RNASET2: variants seen among roughly 807,000 people sequenced by gnomAD.
RNASET2 encodes ribonuclease 6.
A neutral mutation model predicts 33.9 loss-of-function variants in RNASET2; 28 were observed. The ratio of observed to expected loss-of-function variants is 0.83; its 90% CI spans 0.61 to 1.13. RNASET2 has a LOEUF of 1.13. Among genes scored for constraint, RNASET2 ranks in the 50% most tolerant of loss-of-function variants. The pLI is 0.00. For missense variants in RNASET2, 330 were observed against 319.9 expected, an observed-to-expected ratio of 1.03 and a Z score of -0.24; for synonymous variants, 123 against 121.0, an observed-to-expected ratio of 1.02 and a Z score of -0.11.
chr6:166,929,664 G>T lies in RNASET2; in HGVS notation c.695C>A (p.Ala232Asp). Residue 232 changes from alanine (A) to aspartate (D), a missense_variant, in exon 9 of 9, where the codon GCC becomes GAC. By Grantham distance (126) the Ala-to-Asp change is moderately radical. Transcript: ENST00000508775. Reference sequence around the variant, plus strand: ...GACTCTCAGACCCCGGCTCTCGGCGGCCCCATTTGCCAGCCAGACTTCCTG... The same window carrying T: ...GACTCTCAGACCCCGGCTCTCGGCGTCCCCATTTGCCAGCCAGACTTCCTG... Reference protein sequence around the residue: ...PKQEVWLANGAAESRGLRVCE... With the variant: ...PKQEVWLANGDAESRGLRVCE... 1 of 1,614,102 alleles carries T rather than the reference G, an allele frequency of 6.2e-7. No individual in the cohort carries two copies. Among genetic ancestry groups the T allele is most frequent in the South Asian group, 1.1e-5 (1 of 91,068 alleles).
At position 166,928,654 on chromosome 6, in the gene RNASET2, A is replaced by C. The variant is rs1778344530; in HGVS notation, c.*934T>G. ...GGAGACGCGGGAGAAGACAATGCTA[A>C]CAGGTTGTCTTAACAACACATGGAA... On this transcript the variant is annotated 3_prime_UTR_variant, in exon 9 of 9. Coordinates refer to ENST00000508775, the MANE Select transcript of RNASET2 (RefSeq NM_003730.6). Among the ~76,000 whole-genome samples, 1 of 152,224 alleles carries C rather than the reference A, an allele frequency of 6.6e-6. No individual in the cohort carries two copies. The highest frequency in any genetic ancestry group is 2.4e-5 in the African/African-American group (1 of 41,454).
chr6:166,949,638 T>A (rs761603427), intron 2 of RNASET2, among the ~76,000 whole-genome samples: 2 of 152,136 alleles, frequency 1.3e-5, no homozygotes, highest in Non-Finnish European at 2.9e-5. Context: ...TGCTCAGTGC[T>A]GGAGAAAGAG....
intron 2 of RNASET2, among the ~76,000 whole-genome samples, chr6:166,950,712 A>C (rs56213919): frequency 0.17 from 26,572 of 152,116 alleles, 2,929 homozygotes; most frequent in African/African-American, 0.32. Context: ...ACACTGACGC[A>C]CTGAAGGGAT....
Position 166,955,347 on chromosome 6 carries a change from G to C in RNASET2, c.86+750C>G, listed in dbSNP as rs554784688. 3.8e-4 allele frequency: 66 copies of C among 172,544 alleles called. 8 individuals are homozygous for C. Among genetic ancestry groups the C allele is most frequent in the Non-Finnish European group, 5.7e-4 (63 of 110,694 alleles). The allele number at this position is 172,544 out of a possible 1,614,324, so 10.7% of individuals were successfully genotyped here. A position where few individuals can be genotyped will look rare whatever the true frequency, so the allele number is the denominator to read the frequency against. On this transcript the variant is annotated intron_variant, in intron 1 of 8. Coordinates refer to ENST00000508775, the MANE Select transcript of RNASET2 (RefSeq NM_003730.6). Reference sequence around the variant, plus strand: ...CACACGCACGCACGCACACGCACACGCACGCACACACACACGCACACACAA... The same window carrying C: ...CACACGCACGCACGCACACGCACACCCACGCACACACACACGCACACACAA...
rs1461217397 is a variant in RNASET2, at chr6:166,925,006, C to T, written c.*4582G>A. Among the ~76,000 whole-genome samples, 8 of 151,914 alleles carry T rather than the reference C, an allele frequency of 5.3e-5. No homozygotes were observed. The highest frequency in any genetic ancestry group is 3.2e-3 in the Middle Eastern group (1 of 316). On this transcript the variant is annotated 3_prime_UTR_variant, in exon 9 of 9. Coordinates refer to ENST00000508775, the MANE Select transcript of RNASET2 (RefSeq NM_003730.6). ...ACCTCCACCGCGCAGGCCTCATCTA[C>T]GCCATCCAGCCCTCACCCACAGTGT...
Position 166,929,541 on chromosome 6 carries a change from T to C in RNASET2, c.*47A>G. ...TTGTTTTTTAGAAAGCTGCAGTTTG[T>C]GAATTTCTCTTGCTTTTTAAAACAG... is the stretch of plus-strand genomic sequence containing the variant. On this transcript the variant is annotated 3_prime_UTR_variant, in exon 9 of 9. Transcript: ENST00000508775. The C allele has an allele frequency of 6.3e-7, 1 of 1,591,268 alleles. No individual in the cohort carries two copies. The highest frequency in any genetic ancestry group is 1.3e-5 in the African/African-American group (1 of 74,516).
chr6:166,955,229 A>ACGCG (rs1424453604), intron 1 of RNASET2, among the ~76,000 whole-genome samples: 2 of 89,292 alleles, frequency 2.2e-5, no homozygotes, highest in Non-Finnish European at 4.0e-5. Context: ...ACGCGCACAC[A>ACGCG]CGCACGCACG....
At chr6:166,938,632 C>T (rs1354664130) in intron 6 of RNASET2, 3 of 714,652 alleles carry the variant, frequency 4.2e-6, no homozygotes, top group Non-Finnish European at 8.0e-6. Context: ...TTCCCTATGG[C>T]CGACTCTGAT....
At chr6:166,955,709 A>C in intron 1 of RNASET2, 1 of 1,083,666 alleles carries the variant, frequency 9.2e-7, no homozygotes. Flanking sequence ...CCCAGGGGTC[A>C]CCCCGGGGAG....
At chr6:166,954,200 G>T (rs1779052501) in intron 1 of RNASET2, among the ~76,000 whole-genome samples, 1 of 151,882 alleles carries the variant, frequency 6.6e-6, no homozygotes, top group Non-Finnish European at 1.5e-5. Context: ...AATCACCAAG[G>T]TCTCAAAACC....
chr6:166,945,636 G>C (rs1355186737), intron 4 of RNASET2, among the ~76,000 whole-genome samples: 1 of 152,118 alleles, frequency 6.6e-6, no homozygotes, highest in Non-Finnish European at 1.5e-5. Flanking sequence ...TTCGAGACCA[G>C]TCTGACCAAC....
Position 166,927,713 on chromosome 6 carries a change from C to CAAAAAAAAAAAAA in RNASET2, c.*1862_*1874dup, listed in dbSNP as rs58837223. Among the ~76,000 whole-genome samples, 17 of 47,330 alleles carry CAAAAAAAAAAAAA rather than the reference C, an allele frequency of 3.6e-4. No individual in the cohort carries two copies. The highest frequency in any genetic ancestry group is 1.2e-3 in the African/African-American group (14 of 11,660). The allele number at this position is 47,330 out of a possible 152,430, so 31.1% of individuals were successfully genotyped here. On this transcript the variant is annotated 3_prime_UTR_variant, in exon 9 of 9. Transcript: ENST00000508775. ...TGATCCCTGTGTTCGCAAAATGACTCAAAAAAAAAAAAAAAAAAAAAAAGA... is the reference window on the plus strand; with the variant it reads ...TGATCCCTGTGTTCGCAAAATGACTCAAAAAAAAAAAAAAAAAAAAAAAAAAAAAAAAAAAAGA...
chr6:166,954,957 C>T (rs910830125), intron 1 of RNASET2, among the ~76,000 whole-genome samples: 5 of 152,136 alleles, frequency 3.3e-5, no homozygotes, highest in Non-Finnish European at 5.9e-5. Flanking sequence ...CGCCACTGTA[C>T]TCCAGCCTGA....
intron 5 of RNASET2, among the ~76,000 whole-genome samples, chr6:166,942,149 T>G (rs1583224522): frequency 2.0e-5 from 3 of 148,496 alleles, no homozygotes; most frequent in South Asian, 4.3e-4. Context: ...ATCCCCTGAA[T>G]TCAATTGATT....
chr6:166,939,040 A>C (rs1562497581), intron 5 of RNASET2, 32 bp from the exon 6 acceptor site: 5 of 1,533,496 alleles, frequency 3.3e-6, no homozygotes, highest in Non-Finnish European at 4.5e-6. Flanking sequence ...TCCACTTAAA[A>C]GTAGTGAAAC....
chr6:166,925,188 G>A lies in RNASET2; in HGVS notation c.*4400C>T. ...CTCCTGCCGCCCAGCCCTCACTCCT[G>A]CCGCCCAGCCCTCACCTCTGCTGTC... is the stretch of plus-strand genomic sequence containing the variant. On this transcript the variant is annotated 3_prime_UTR_variant, in exon 9 of 9. Transcript: ENST00000508775. Among the ~76,000 whole-genome samples the A allele has an allele frequency of 6.9e-6, 1 of 144,792 alleles. No individual in the cohort carries two copies. The highest frequency in any genetic ancestry group is 2.6e-5 in the African/African-American group (1 of 38,004). The allele number at this position is 144,792 out of a possible 152,430, so 95.0% of individuals were successfully genotyped here.
Position 166,927,713 on chromosome 6 carries a change from CAAAAAAAAAAAAAA to C in RNASET2, c.*1861_*1874del, listed in dbSNP as rs58837223. Reference sequence around the variant, plus strand: ...TGATCCCTGTGTTCGCAAAATGACTCAAAAAAAAAAAAAAAAAAAAAAAGAATTGACATCATTTA... The same window carrying C: ...TGATCCCTGTGTTCGCAAAATGACTCAAAAAAAAAGAATTGACATCATTTA... On this transcript the variant is annotated 3_prime_UTR_variant, in exon 9 of 9. Transcript: ENST00000508775. 1.1e-4 allele frequency among the ~76,000 whole-genome samples: 5 copies of C among 47,342 alleles called. No individual in the cohort carries two copies. The highest frequency in any genetic ancestry group is 2.0e-4 in the Non-Finnish European group (5 of 24,602). The allele number at this position is 47,342 out of a possible 152,430, so 31.1% of individuals were successfully genotyped here. A position where few individuals can be genotyped will look rare whatever the true frequency, so the allele number is the denominator to read the frequency against.
intron 6 of RNASET2, chr6:166,934,533 A>G (rs1778521695): frequency 4.1e-6 from 1 of 246,672 alleles, no homozygotes; most frequent in Admixed American, 5.1e-5. Flanking sequence ...AAACACAGTC[A>G]TGCGCCACAT....
intron 6 of RNASET2, 64 bp downstream of exon 6, chr6:166,938,831 G>A: frequency 8.5e-7 from 1 of 1,173,370 alleles, no homozygotes; most frequent in Non-Finnish European, 1.3e-6. Context: ...GGATCCAGCT[G>A]TCAGGCTTGG....
Sources: gnomAD v4.1 joint callset for allele counts (sites outside exome capture counted in the v4.1 genomes callset) on GRCh38, gnomAD v4.1.1 for gene constraint, MANE v1.5 for transcripts, NCBI Gene and HGNC (gene_info 2026-07-23, HGNC 2026-07-21) for gene names.